NRG3: variants seen among roughly 807,000 people sequenced by gnomAD.
The protein encoded by NRG3 is pro-neuregulin-3, membrane-bound isoform.
A neutral mutation model predicts 66.9 loss-of-function variants in NRG3; 31 were observed. That is an observed-to-expected ratio of 0.46 (90% CI 0.35 to 0.63). The LOEUF is 0.63. NRG3 is among the 20% of genes least tolerant of loss of function. The pLI is 0.00. For missense variants in NRG3, 910 were observed against 878.9 expected (o/e 1.04, Z -0.45); for synonymous variants, 393 against 359.4 (o/e 1.09, Z -1.06).
chr10:82,073,050 C>G (rs2064894242), intron 1 of NRG3, among the ~76,000 whole-genome samples: 1 of 151,708 alleles, frequency 6.6e-6, no homozygotes, highest in Admixed American at 6.6e-5. Context: ...GTTGGGGTTA[C>G]AGGCATGAGC....
chr10:82,560,461 G>A (rs2044964876), intron 2 of NRG3, among the ~76,000 whole-genome samples: 1 of 150,908 alleles, frequency 6.6e-6, no homozygotes, highest in Admixed American at 6.6e-5. Flanking sequence ...AGAACAGAAT[G>A]TTTTCCATTT....
chr10:82,813,122 A>C (rs926402396), intron 3 of NRG3, among the ~76,000 whole-genome samples: 6 of 152,114 alleles, frequency 3.9e-5, no homozygotes, highest in Non-Finnish European at 8.8e-5. Flanking sequence ...CCTAGATCTG[A>C]AATGTATGAG....
At chr10:82,281,414 A>G (rs2079114309) in intron 1 of NRG3, among the ~76,000 whole-genome samples, 1 of 152,174 alleles carries the variant, frequency 6.6e-6, no homozygotes, top group Admixed American at 6.6e-5. Flanking sequence ...CTCTTCAGCA[A>G]AGACCTGGGG....
In NRG3 at chr10:82,582,662, TTGTGTGTGTGTGTG is replaced by T. The variant is rs141112949; in HGVS notation, c.954-155891_954-155878del. Among the ~76,000 whole-genome samples the T allele has an allele frequency of 3.4e-3, 493 of 146,476 alleles. 2 individuals carry two copies. The highest frequency in any genetic ancestry group is 0.018 in the East Asian group (87 of 4,928). ...GAAGAGGGAAAAATATCTATATGTG[TTGTGTGTGTGTGTG>T]TGTGTGTGTGTGTGTGTGTGTGTTT... On this transcript the variant is annotated intron_variant, in intron 2 of 8. Transcript: ENST00000372141.
chr10:81,882,434 A>G (rs972785091), intron 1 of NRG3, among the ~76,000 whole-genome samples: 4 of 152,214 alleles, frequency 2.6e-5, no homozygotes, highest in Non-Finnish European at 4.4e-5. Context: ...TGATACATAT[A>G]TATATTTATA....
chr10:82,382,340 G>A (rs2085667862), intron 2 of NRG3, among the ~76,000 whole-genome samples: 1 of 151,692 alleles, frequency 6.6e-6, no homozygotes, highest in African/African-American at 2.4e-5. Context: ...GTAGCTTATA[G>A]GTTTTTATGG....
chr10:82,597,065 G>A (rs894413218), intron 2 of NRG3, among the ~76,000 whole-genome samples: 1 of 151,798 alleles, frequency 6.6e-6, no homozygotes, highest in African/African-American at 2.4e-5. Flanking sequence ...CTTACCATAT[G>A]CGTTTTAACA....
At chr10:82,896,496 TTCC>T (rs1843675872) in intron 4 of NRG3, among the ~76,000 whole-genome samples, 1 of 152,228 alleles carries the variant, frequency 6.6e-6, no homozygotes, top group Non-Finnish European at 1.5e-5. Flanking sequence ...AATAGCTATT[TTCC>T]ATGAAATACC....
At chr10:82,082,570 A>G (rs1415149426) in intron 1 of NRG3, among the ~76,000 whole-genome samples, 1 of 152,286 alleles carries the variant, frequency 6.6e-6, no homozygotes, top group Admixed American at 6.5e-5. Flanking sequence ...GAGATCAGGG[A>G]AAAAATAAAG....
intron 1 of NRG3, among the ~76,000 whole-genome samples, chr10:81,932,288 A>G (rs542799620): frequency 6.6e-6 from 1 of 151,996 alleles, no homozygotes; most frequent in East Asian, 2.0e-4. Flanking sequence ...CTTTTTAATG[A>G]CCAGATCTTG....
rs1266728351 is a variant in NRG3, at chr10:81,974,833, C to T, written c.823+98670C>T. On this transcript the variant is annotated intron_variant, in intron 1 of 8. Transcript: ENST00000372141. ...GAAAAACAACTTAAGTAATTGTTAC[C>T]ATGGTGACATATATATTAGAGACAT... Among the ~76,000 whole-genome samples the T allele has an allele frequency of 2.6e-5, 4 of 152,078 alleles. No homozygotes were observed. In the East Asian group the frequency reaches 7.7e-4, roughly 29 times the overall value.
chr10:82,472,854 G>T (rs756746704), intron 2 of NRG3, among the ~76,000 whole-genome samples: 4 of 152,254 alleles, frequency 2.6e-5, no homozygotes, highest in Admixed American at 6.5e-5. Context: ...CACCAGGGCT[G>T]CTTCTAGAAT....
In NRG3 at chr10:82,243,087, G is replaced by T. The variant is rs193300876; in HGVS notation, c.824-115652G>T. On this transcript the variant is annotated intron_variant, in intron 1 of 8. Transcript: ENST00000372141. ...ATAAAATTTTATTGTGCACTGTGTTGCAGGGACTTTGCTGAGCTTCACAAA... is the reference window on the plus strand; with the variant it reads ...ATAAAATTTTATTGTGCACTGTGTTTCAGGGACTTTGCTGAGCTTCACAAA... Among the ~76,000 whole-genome samples the T allele has an allele frequency of 5.0e-3, 758 of 152,306 alleles. 3 individuals are homozygous for T. The highest frequency in any genetic ancestry group is 7.5e-3 in the Non-Finnish European group (509 of 68,024).
intron 1 of NRG3, among the ~76,000 whole-genome samples, chr10:81,876,512 C>G (rs1484520010): frequency 6.6e-6 from 1 of 152,198 alleles, no homozygotes; most frequent in Non-Finnish European, 1.5e-5. Context: ...GGATCCCGCT[C>G]CAGTAGAGGG....
chr10:82,327,850 A>G, intron 1 of NRG3, among the ~76,000 whole-genome samples: 1 of 152,250 alleles, frequency 6.6e-6, no homozygotes, highest in Admixed American at 6.5e-5. Context: ...TGGTTTCTCC[A>G]GTGGTCTTTT....
chr10:81,964,170 A>G (rs1409664919), intron 1 of NRG3, among the ~76,000 whole-genome samples: 3 of 152,154 alleles, frequency 2.0e-5, no homozygotes, highest in African/African-American at 7.2e-5. Flanking sequence ...CAGATATGTG[A>G]ACATGTATAA....
chr10:82,083,190 A>G (rs1265753528), intron 1 of NRG3, among the ~76,000 whole-genome samples: 2 of 152,106 alleles, frequency 1.3e-5, no homozygotes, highest in Non-Finnish European at 1.5e-5. Context: ...CCATTCCTGG[A>G]CACCAGTCTT....
At chr10:82,453,338 A>G (rs1304463296) in intron 2 of NRG3, among the ~76,000 whole-genome samples, 1 of 152,178 alleles carries the variant, frequency 6.6e-6, no homozygotes, top group Non-Finnish European at 1.5e-5. Context: ...CTTTTTCTTC[A>G]GAGCTTCTTT....
At position 82,091,400 on chromosome 10, in the gene NRG3, A is replaced by G. The variant is rs137972694; in HGVS notation, c.823+215237A>G. On this transcript the variant is annotated intron_variant, in intron 1 of 8. Transcript: ENST00000372141. The stretch of plus-strand genomic sequence containing the variant: ...TGAATTTGCCTGTTTTAGGTAGCTC[A>G]TGTAAGTGTAATCATATATTTGTCC... Among the ~76,000 whole-genome samples, 296 of 152,242 alleles carry G rather than the reference A, an allele frequency of 1.9e-3. 1 individual carries two copies. The highest frequency in any genetic ancestry group is 6.8e-3 in the African/African-American group (283 of 41,546).
Sources: allele counts gnomAD v4.1 joint callset (sites outside exome capture counted in the v4.1 genomes callset), GRCh38; gene constraint gnomAD v4.1.1; transcripts MANE v1.5; gene names NCBI Gene and HGNC (gene_info 2026-07-23, HGNC 2026-07-21).